GPC5: variants seen among roughly 807,000 people sequenced by gnomAD.
The protein encoded by GPC5 is glypican-5.
In GPC5, 47 loss-of-function variants were observed where a neutral mutation model predicts 53.9. The ratio of observed to expected loss-of-function variants is 0.87; its 90% CI spans 0.69 to 1.11. GPC5 has a LOEUF of 1.11. Among genes scored for constraint, GPC5 ranks in the 50% most tolerant of loss-of-function variants. The pLI is 0.00. For missense variants in GPC5, 748 were observed against 713.1 expected (o/e 1.05, Z -0.56); for synonymous variants, 286 against 263.3 (o/e 1.09, Z -0.84).
At chr13:91,491,224 C>T (rs1883927031) in intron 2 of GPC5, among the ~76,000 whole-genome samples, 1 of 152,148 alleles carries the variant, frequency 6.6e-6, no homozygotes, top group African/African-American at 2.4e-5. Flanking sequence ...CCCAAGTCAC[C>T]AGATTTTTTT....
chr13:91,652,130 A>G (rs1024121235), intron 2 of GPC5, among the ~76,000 whole-genome samples: 1 of 151,924 alleles, frequency 6.6e-6, no homozygotes, highest in African/African-American at 2.4e-5. Flanking sequence ...GAAACCTCTG[A>G]TAGTCCTGAT....
intron 6 of GPC5, among the ~76,000 whole-genome samples, chr13:92,051,199 C>CTTTTTTTTTTTTT (rs72346282): frequency 6.8e-5 from 5 of 73,910 alleles, no homozygotes; most frequent in African/African-American, 2.2e-4. Context: ...TCATTTTTTT[C>CTTTTTTTTTTTTT]TTTTTTTTTT....
At chr13:92,101,406 T>C (rs2041466168) in intron 6 of GPC5, among the ~76,000 whole-genome samples, 2 of 152,204 alleles carry the variant, frequency 1.3e-5, no homozygotes, top group Admixed American at 1.3e-4. Flanking sequence ...CATAGCCTGT[T>C]GAGCTTGTAA....
chr13:92,585,760 G>C (rs1304468357), intron 7 of GPC5, among the ~76,000 whole-genome samples: 1 of 152,084 alleles, frequency 6.6e-6, no homozygotes, highest in Non-Finnish European at 1.5e-5. Context: ...TGAATCATGG[G>C]GTCAGGTCTT....
chr13:91,618,453 G>A (rs1217308131), intron 2 of GPC5, among the ~76,000 whole-genome samples: 4 of 151,902 alleles, frequency 2.6e-5, no homozygotes, highest in Non-Finnish European at 5.9e-5. Flanking sequence ...GTGATTTCAG[G>A]CTCTGCTTGG....
chr13:91,490,437 T>A (rs1883880213), intron 2 of GPC5, among the ~76,000 whole-genome samples: 1 of 152,226 alleles, frequency 6.6e-6, no homozygotes. Flanking sequence ...CTAGGATATT[T>A]AAGTAGCATT....
intron 2 of GPC5, among the ~76,000 whole-genome samples, chr13:91,565,915 C>G (rs530019248): frequency 1.3e-5 from 2 of 152,248 alleles, no homozygotes; most frequent in East Asian, 3.9e-4. Flanking sequence ...GCTGGTGGCA[C>G]TTTTTGGTGT....
At chr13:91,705,188 A>AT (rs1404572828) in intron 3 of GPC5, among the ~76,000 whole-genome samples, 9 of 152,264 alleles carry the variant, frequency 5.9e-5, no homozygotes, top group Admixed American at 4.6e-4. Flanking sequence ...ACTGTGGGAT[A>AT]TTTTGTTCCA....
chr13:92,706,001 T>A (rs992532407), intron 7 of GPC5: 2 of 151,784 alleles, frequency 1.3e-5, no homozygotes, highest in African/African-American at 4.8e-5. Context: ...GGTGGAAGGA[T>A]CCCTTGAGCC....
At chr13:91,578,174 G>T (rs547765257) in intron 2 of GPC5, among the ~76,000 whole-genome samples, 1 of 152,284 alleles carries the variant, frequency 6.6e-6, no homozygotes, top group South Asian at 2.1e-4. Context: ...AGCCATGCAA[G>T]TGAGCCTTCT....
intron 7 of GPC5, among the ~76,000 whole-genome samples, chr13:92,816,282 T>C (rs1008001647): frequency 6.6e-5 from 10 of 152,096 alleles, no homozygotes; most frequent in Admixed American, 6.5e-5. Flanking sequence ...AACTCAGCCA[T>C]GTAACTCTGG....
chr13:91,857,649 C>T (rs1175456977), intron 5 of GPC5, among the ~76,000 whole-genome samples: 5 of 150,576 alleles, frequency 3.3e-5, no homozygotes, highest in African/African-American at 9.7e-5. Flanking sequence ...AACCTCAGTA[C>T]ATTAAATATA....
chr13:91,873,559 C>T (rs1021438830), intron 5 of GPC5, among the ~76,000 whole-genome samples: 1 of 152,148 alleles, frequency 6.6e-6, no homozygotes, highest in Admixed American at 6.5e-5. Context: ...GCTCTCTTGT[C>T]GGCCGCCATG....
chr13:92,578,652 C>A (rs1883264180), intron 7 of GPC5, among the ~76,000 whole-genome samples: 1 of 152,162 alleles, frequency 6.6e-6, no homozygotes, highest in East Asian at 1.9e-4. Flanking sequence ...TTTGTTCTAT[C>A]TAGTTCCTAC....
chr13:92,042,761 T>A (rs1434775401), intron 6 of GPC5, among the ~76,000 whole-genome samples: 1 of 152,158 alleles, frequency 6.6e-6, no homozygotes, highest in East Asian at 1.9e-4. Context: ...CATTGATGGG[T>A]CCCATTGGTG....
chr13:92,479,034 T>A (rs1292137466), intron 7 of GPC5, among the ~76,000 whole-genome samples: 1 of 152,170 alleles, frequency 6.6e-6, no homozygotes, highest in African/African-American at 2.4e-5. Context: ...CATTAGGCAA[T>A]ATGTACCTCC....
chr13:92,853,278 G>A (rs997193720), intron 7 of GPC5, among the ~76,000 whole-genome samples: 1 of 152,072 alleles, frequency 6.6e-6, no homozygotes, highest in Non-Finnish European at 1.5e-5. Flanking sequence ...ACTACAATGA[G>A]GTATTTTCAG....
intron 7 of GPC5, among the ~76,000 whole-genome samples, chr13:92,286,067 T>C (rs1479732775): frequency 6.6e-6 from 1 of 151,962 alleles, no homozygotes; most frequent in African/African-American, 2.4e-5. Flanking sequence ...CCCCAACAAG[T>C]GGGCGAAGGA....
intron 7 of GPC5, among the ~76,000 whole-genome samples, chr13:92,483,493 T>C (rs1879433100): frequency 6.6e-6 from 1 of 152,154 alleles, no homozygotes. Context: ...TGAATGGAGC[T>C]TTCAGGCCAC....
Sources: allele counts gnomAD v4.1 joint callset (sites outside exome capture counted in the v4.1 genomes callset), GRCh38; gene constraint gnomAD v4.1.1; transcripts MANE v1.5; gene names NCBI Gene and HGNC (gene_info 2026-07-23, HGNC 2026-07-21).